SLC10A6: variants seen among roughly 807,000 people sequenced by gnomAD.
The protein encoded by SLC10A6 is sodium-dependent organic anion transporter.
Under a neutral mutation model 30.0 loss-of-function variants are expected in SLC10A6, and 27 were observed. The ratio of observed to expected loss-of-function variants is 0.90; its 90% CI spans 0.66 to 1.24. The LOEUF is 1.24. SLC10A6 is among the 50% of genes most tolerant of loss of function. The probability of loss-of-function intolerance (pLI) is 0.00; values close to 1 mark genes in which losing one functional copy is unlikely to be tolerated. For synonymous variants in SLC10A6, 166 were observed against 173.8 expected, an observed-to-expected ratio of 0.95 and a Z score of 0.36; for missense variants, 439 against 457.0, an observed-to-expected ratio of 0.96 and a Z score of 0.36.
At chr4:86,832,566 G>T (rs1004168454) in intron 2 of SLC10A6, among the ~76,000 whole-genome samples, 1 of 150,258 alleles carries the variant, frequency 6.7e-6, no homozygotes, top group Non-Finnish European at 1.5e-5. Context: ...ACTCCAGCCT[G>T]AGTGACAGAG....
In SLC10A6 at chr4:86,823,892, C is replaced by A; in HGVS notation, c.930G>T (p.Thr310=). ...GTTTGTTCTTCAATCTCCTCTTGTA[C>A]GTCTGATATGCTAGGTGTTAAAACA... ...DGFLIVAAYQ[T]YKRRLKNKHG... The change falls in exon 6 of 6, where the codon ACG becomes ACT. Residue 310 remains threonine (T), a synonymous_variant. Coordinates refer to ENST00000273905, the MANE Select transcript of SLC10A6 (RefSeq NM_197965.3). 6.2e-7 allele frequency: 1 copy of A among 1,609,078 alleles called. No homozygotes were observed. The highest frequency in any genetic ancestry group is 8.5e-7 in the Non-Finnish European group (1 of 1,177,554).
In SLC10A6 at chr4:86,848,777, G is replaced by A. The variant is rs369966485; in HGVS notation, c.339C>T (p.Asn113=). 2.5e-6 allele frequency: 4 copies of A among 1,608,460 alleles called. No homozygotes were observed. The highest frequency in any genetic ancestry group is 1.1e-5 in the South Asian group (1 of 89,640). The part of the protein sequence containing the change: ...MGCCPGGTIS[N]IFTFWVDGDM... ...CTCCATCAACCCAGAAGGTGAAAAT[G>A]TTAGAGATGGTGCCCCCCGGGCAGC... The change falls in exon 1 of 6, where the codon AAC becomes AAT. Residue 113 remains asparagine (N), a synonymous_variant. Transcript: ENST00000273905.
At chr4:86,843,639 T>C (rs1279713933) in intron 1 of SLC10A6, among the ~76,000 whole-genome samples, 2 of 152,188 alleles carry the variant, frequency 1.3e-5, no homozygotes, top group Admixed American at 6.6e-5. Flanking sequence ...GATGGATGAA[T>C]AGATAAAACA....
chr4:86,824,772 T>C (rs573983047), intron 5 of SLC10A6, among the ~76,000 whole-genome samples: 1 of 152,262 alleles, frequency 6.6e-6, no homozygotes, highest in Admixed American at 6.5e-5. Flanking sequence ...GCCATCTTTA[T>C]GTCCATGAGC....
chr4:86,843,917 AC>A (rs1217839240), intron 1 of SLC10A6, among the ~76,000 whole-genome samples: 2 of 152,282 alleles, frequency 1.3e-5, no homozygotes, highest in African/African-American at 4.8e-5. Flanking sequence ...GGTGGCTCAC[AC>A]CGGTAATCCC....
At position 86,849,269 on chromosome 4, in the gene SLC10A6, T is replaced by G; in HGVS notation, c.-154A>C. The G allele has an allele frequency of 1.2e-6, 1 of 830,462 alleles. No individual in the cohort carries two copies. The highest frequency in any genetic ancestry group is 1.8e-5 in the South Asian group (1 of 54,330). 51.4% of individuals were successfully genotyped at this position (830,462 alleles called of 1,614,324 possible). On this transcript the variant is annotated 5_prime_UTR_variant, in exon 1 of 6. Coordinates refer to ENST00000273905, the MANE Select transcript of SLC10A6 (RefSeq NM_197965.3). Reference sequence around the variant, plus strand: ...AGCAAGGTGATTCATCCTAATCTGATCAATTTTTTCACAAGTGGCATTATA... The same window carrying G: ...AGCAAGGTGATTCATCCTAATCTGAGCAATTTTTTCACAAGTGGCATTATA...
intron 3 of SLC10A6, among the ~76,000 whole-genome samples, chr4:86,830,710 C>T (rs1464179594): frequency 6.6e-6 from 1 of 152,098 alleles, no homozygotes; most frequent in African/African-American, 2.4e-5. Flanking sequence ...GAGGTAGAGC[C>T]AAACGGCAAA....
intron 1 of SLC10A6, among the ~76,000 whole-genome samples, chr4:86,844,135 G>A (rs1195373368): frequency 2.0e-5 from 3 of 152,004 alleles, no homozygotes; most frequent in African/African-American, 7.3e-5. Flanking sequence ...CCGAGATCAC[G>A]CCACTGCACT....
intron 1 of SLC10A6, among the ~76,000 whole-genome samples, chr4:86,837,298 G>GAAAGAAAGAGAAA (rs1560460409): frequency 1.1e-5 from 1 of 89,238 alleles, no homozygotes; most frequent in Non-Finnish European, 2.2e-5. Flanking sequence ...AGAAAGGAAG[G>GAAAGAAAGAGAAA]AAGGAAGGAA....
At chr4:86,844,987 A>G (rs957956202) in intron 1 of SLC10A6, among the ~76,000 whole-genome samples, 1 of 152,084 alleles carries the variant, frequency 6.6e-6, no homozygotes, top group African/African-American at 2.4e-5. Context: ...CTCCCTTGAC[A>G]CTTGGGGATT....
intron 4 of SLC10A6, among the ~76,000 whole-genome samples, chr4:86,825,947 A>C (rs749409198): frequency 3.3e-5 from 5 of 152,284 alleles, no homozygotes; most frequent in East Asian, 1.9e-4. Context: ...AAAATAGAAG[A>C]AGCTTTTGAT....
At chr4:86,842,408 G>T (rs1016181701) in intron 1 of SLC10A6, among the ~76,000 whole-genome samples, 8 of 152,188 alleles carry the variant, frequency 5.3e-5, no homozygotes, top group African/African-American at 1.9e-4. Context: ...ATAGTGGGAG[G>T]CCAGGCGTAA....
intron 1 of SLC10A6, among the ~76,000 whole-genome samples, chr4:86,838,887 C>T (rs1266545878): frequency 1.4e-5 from 2 of 138,928 alleles, no homozygotes; most frequent in African/African-American, 5.4e-5. Flanking sequence ...CATGCCATTG[C>T]ACTCCAGCCT....
intron 1 of SLC10A6, among the ~76,000 whole-genome samples, chr4:86,847,899 C>T (rs1415419565): frequency 6.6e-6 from 1 of 152,106 alleles, no homozygotes; most frequent in Non-Finnish European, 1.5e-5. Context: ...CTCGAGAGAC[C>T]ATTGTTTTTA....
intron 1 of SLC10A6, among the ~76,000 whole-genome samples, chr4:86,840,828 T>C (rs1746277896): frequency 6.6e-6 from 1 of 152,226 alleles, no homozygotes; most frequent in Non-Finnish European, 1.5e-5. Flanking sequence ...TACCTCCACA[T>C]AAATTTCCCT....
chr4:86,840,901 T>C (rs1746278822), intron 1 of SLC10A6, among the ~76,000 whole-genome samples: 1 of 152,242 alleles, frequency 6.6e-6, no homozygotes, highest in Non-Finnish European at 1.5e-5. Context: ...AAAATTATTT[T>C]ATCCTATTAA....
chr4:86,825,199 T>C (rs1007705311), intron 5 of SLC10A6, among the ~76,000 whole-genome samples: 2 of 152,258 alleles, frequency 1.3e-5, no homozygotes, highest in African/African-American at 4.8e-5. Context: ...TTGTTTATAA[T>C]TATAAGCTCA....
chr4:86,837,279 GAAAGAAAAAGA>G (rs1746208242), intron 1 of SLC10A6, among the ~76,000 whole-genome samples: 1 of 100,820 alleles, frequency 9.9e-6, no homozygotes, highest in East Asian at 2.9e-4. Context: ...AAGAAAGAAA[GAAAGAAAAAGA>G]AAGGAAGGAA....
rs531764205 is a variant in SLC10A6, at chr4:86,826,320, T to C, written c.762-743A>G. ...AAGGCCAGGCACAGTGGCTCACGCC[T>C]GTAATCTCAGCACTTTGAGAGACCA... On this transcript the variant is annotated intron_variant, in intron 4 of 5. Transcript: ENST00000273905. Among the ~76,000 whole-genome samples the C allele has an allele frequency of 1.1e-3, 165 of 152,340 alleles. 1 individual carries two copies. The highest frequency in any genetic ancestry group is 3.8e-3 in the African/African-American group (157 of 41,572).
Sources: allele counts gnomAD v4.1 joint callset (sites outside exome capture counted in the v4.1 genomes callset), GRCh38; gene constraint gnomAD v4.1.1; transcripts MANE v1.5; gene names NCBI Gene and HGNC (gene_info 2026-07-23, HGNC 2026-07-21).